The following PTPN12 variants were observed in gnomAD, a reference collection of about 807,000 sequenced individuals.
PTPN12 encodes protein tyrosine phosphatase non-receptor type 12.
A neutral mutation model predicts 97.6 loss-of-function variants in PTPN12; 29 were observed. The observed-to-expected ratio is 0.30, with a 90% CI of 0.22 to 0.41. The LOEUF is 0.41. Among genes scored for constraint, PTPN12 ranks in the 10% least tolerant of loss-of-function variants. PTPN12 has a pLI of 1.00. For synonymous variants in PTPN12, 327 were observed against 300.4 expected (o/e 1.09, Z -0.91); for missense variants, 819 against 926.0 (o/e 0.88, Z 1.50).
intron 2 of PTPN12, among the ~76,000 whole-genome samples, chr7:77,572,585 CTG>C (rs1787182645): frequency 6.6e-6 from 1 of 152,024 alleles, no homozygotes; most frequent in Non-Finnish European, 1.5e-5. Flanking sequence ...TGTGGATAGC[CTG>C]TGTTGGCAGA....
At chr7:77,629,924 A>C (rs1789338288) in intron 13 of PTPN12, among the ~76,000 whole-genome samples, 1 of 141,582 alleles carries the variant, frequency 7.1e-6, no homozygotes, top group Non-Finnish European at 1.5e-5. Context: ...TGGGCAACAG[A>C]GGGAGACCCT....
In PTPN12 at chr7:77,598,433, A is replaced by G. The variant is rs141017825; in HGVS notation, c.552+532A>G. On this transcript the variant is annotated intron_variant, in intron 7 of 17. Transcript: ENST00000248594. ...TGGTGGCTCACTCCTGTAATCCCCA[A>G]CACTTTGGGTGGCTGAGGTGGGTTG... 1.5e-3 allele frequency among the ~76,000 whole-genome samples: 228 copies of G among 152,196 alleles called. 2 individuals are homozygous for G. The East Asian group carries it at 0.029, about 20-fold the overall frequency.
At chr7:77,593,262 T>G (rs973896230) in intron 6 of PTPN12, among the ~76,000 whole-genome samples, 1 of 96,672 alleles carries the variant, frequency 1.0e-5, no homozygotes, top group African/African-American at 5.0e-5. Context: ...AGGGTGAAAC[T>G]CCATCTCAAA....
chr7:77,634,931 A>G (rs1789536420), intron 14 of PTPN12, among the ~76,000 whole-genome samples: 1 of 152,058 alleles, frequency 6.6e-6, no homozygotes, highest in African/African-American at 2.4e-5. Flanking sequence ...GCTGGAGTGC[A>G]GTGGCACGAT....
chr7:77,543,949 C>G (rs1380808757), intron 1 of PTPN12, among the ~76,000 whole-genome samples: 1 of 152,130 alleles, frequency 6.6e-6, no homozygotes, highest in Non-Finnish European at 1.5e-5. Context: ...CACTTTTTGG[C>G]TAATGTGAAT....
At chr7:77,570,972 G>C in intron 1 of PTPN12, 106 bp from the exon 2 acceptor site, 1 of 644,804 alleles carries the variant, frequency 1.6e-6, no homozygotes, top group South Asian at 2.3e-5. Flanking sequence ...TAAGAGCTAA[G>C]AGACAGGAAA....
intron 1 of PTPN12, among the ~76,000 whole-genome samples, chr7:77,555,710 C>G (rs1024852054): frequency 2.0e-5 from 3 of 152,176 alleles, no homozygotes; most frequent in African/African-American, 4.8e-5. Flanking sequence ...GTCATGAGAT[C>G]GAGACCATCC....
In PTPN12 at chr7:77,639,230, C is replaced by G; in HGVS notation, c.2293C>G (p.Arg765Gly). The stretch of plus-strand genomic sequence containing the variant: ...TGTTTTCACTGTAGGTTTTGGTAAT[C>G]GATGTGGAAAACCCAAAGGACCAAG... ...TEATDIGFGN[R>G]CGKPKGPRDP... is the part of the protein sequence containing the mutation. Residue 765 changes from arginine (R) to glycine (G), a missense_variant, in exon 18 of 18, where the codon CGA becomes GGA. Arg to Gly is a moderately radical substitution (Grantham distance 125). Around this residue, in one of 5 missense-constraint regions of PTPN12, gnomAD observed 607 missense variants for 577.3 expected, o/e 1.05. Coordinates refer to ENST00000248594, the MANE Select transcript of PTPN12 (RefSeq NM_002835.4). The G allele has an allele frequency of 6.2e-7, 1 of 1,611,608 alleles. No homozygotes were observed. The highest frequency in any genetic ancestry group is 1.1e-5 in the South Asian group (1 of 90,844).
chr7:77,591,189 A>G (rs116589641), intron 5 of PTPN12, among the ~76,000 whole-genome samples: 2,410 of 152,352 alleles, frequency 0.016, 62 homozygotes, highest in African/African-American at 0.054. Flanking sequence ...ATTACTGTCA[A>G]CTTATAGTTC....
intron 1 of PTPN12, among the ~76,000 whole-genome samples, 173 bp from the exon 2 acceptor site, chr7:77,570,905 G>T (rs1209488029): frequency 6.6e-6 from 1 of 152,096 alleles, no homozygotes; most frequent in African/African-American, 2.4e-5. Flanking sequence ...TCTTATGTTT[G>T]CACTTATGCT....
In PTPN12 at chr7:77,627,369, A is replaced by G. The variant is rs1789233763; in HGVS notation, c.1690A>G (p.Lys564Glu). ...NSSDINYQTR[K>E]TVSLTPSPTT... ...CTCAGATATCAACTATCAAACTAGG[A>G]AAACTGTGAGTTTAACACCAAGTCC... is the stretch of plus-strand genomic sequence containing the variant. The change falls in exon 13 of 18, where the codon AAA becomes GAA. Residue 564 changes from lysine to glutamate, a missense_variant. Transcript: ENST00000248594. The G allele has an allele frequency of 6.2e-7, 1 of 1,614,088 alleles. No individual in the cohort carries two copies. The highest frequency in any genetic ancestry group is 1.3e-5 in the African/African-American group (1 of 75,054).
Position 77,627,658 on chromosome 7 carries a change from A to C in PTPN12, c.1979A>C (p.His660Pro). The change falls in exon 13 of 18, where the codon CAT becomes CCT. Residue 660 changes from histidine (H) to proline (P), a missense_variant. Transcript: ENST00000248594. The stretch of plus-strand genomic sequence containing the variant: ...AGACATAATATAGCAGGAACAACAC[A>C]TTCAGGTGCTGAAAAAGGTAATAAT... ...IARHNIAGTT[H>P]SGAEKDVDVS... is the part of the protein sequence containing the mutation. The C allele has an allele frequency of 6.3e-7, 1 of 1,576,730 alleles. No homozygotes were observed.
chr7:77,638,098 C>T (rs1789670741), intron 16 of PTPN12, among the ~76,000 whole-genome samples: 2 of 150,916 alleles, frequency 1.3e-5, no homozygotes, highest in Non-Finnish European at 1.5e-5. Context: ...GCTGGGACTA[C>T]AGGCGCCCGC....
At chr7:77,546,878 C>A (rs1035075047) in intron 1 of PTPN12, among the ~76,000 whole-genome samples, 1 of 152,176 alleles carries the variant, frequency 6.6e-6, no homozygotes, top group African/African-American at 2.4e-5. Context: ...ACCATCAGAT[C>A]TTGTGAGAAC....
chr7:77,537,711 C>A, intron 1 of PTPN12, 66 bp downstream of exon 1: 7 of 1,501,900 alleles, frequency 4.7e-6, no homozygotes, highest in Non-Finnish European at 6.3e-6. Flanking sequence ...CCTCTCCCGG[C>A]CGGGCCGCCA....
chr7:77,561,300 T>C (rs1400956117), intron 1 of PTPN12, among the ~76,000 whole-genome samples: 1 of 152,184 alleles, frequency 6.6e-6, no homozygotes, highest in African/African-American at 2.4e-5. Context: ...TAAAATTGTG[T>C]CTGTTGAATC....
At position 77,618,515 on chromosome 7, in the gene PTPN12, A is replaced by G. The variant is rs1166999849; in HGVS notation, c.975A>G (p.Ile325Met). 5 of 1,609,562 alleles carry G rather than the reference A, an allele frequency of 3.1e-6. No individual in the cohort carries two copies. The African/African-American group carries it at 6.7e-5, about 22-fold the overall frequency. ...ACACTGAAAACATGGTCAGCTCCAT[A>G]GAGCCTGAAAAACAAGATTCTCCTC... ...EINTENMVSS[I>M]EPEKQDSPPP... is the part of the protein sequence containing the mutation. The change falls in exon 12 of 18, where the codon ATA becomes ATG. Residue 325 changes from isoleucine (I) to methionine (M), a missense_variant. Ile to Met is a conservative substitution (Grantham distance 10). Around this residue, in one of 5 missense-constraint regions of PTPN12, gnomAD observed 607 missense variants for 577.3 expected, o/e 1.05. Coordinates refer to ENST00000248594, the MANE Select transcript of PTPN12 (RefSeq NM_002835.4).
At chr7:77,585,222 T>G (rs1317565477) in intron 4 of PTPN12, 3 of 169,104 alleles carry the variant, frequency 1.8e-5, no homozygotes, top group Non-Finnish European at 3.7e-5. Flanking sequence ...TATTTATAAT[T>G]AGGTAAATAT....
At chr7:77,604,794 T>C (rs1435345840) in intron 8 of PTPN12, 2 of 247,410 alleles carry the variant, frequency 8.1e-6, no homozygotes, top group African/African-American at 2.3e-5. Context: ...GTTTATATCA[T>C]ATATATATAT....
Sources: allele counts gnomAD v4.1 joint callset (sites outside exome capture counted in the v4.1 genomes callset), GRCh38; gene constraint gnomAD v4.1.1; regional missense constraint gnomAD v4.1.1; transcripts MANE v1.5; gene names NCBI Gene and HGNC (gene_info 2026-07-23, HGNC 2026-07-21).